Variants in SCML4 observed in about 807,000 individuals in gnomAD.
SCML4 encodes the protein sex comb on midleg-like protein 4.
In SCML4, 34 loss-of-function variants were observed where a neutral mutation model predicts 41.1. That is an observed-to-expected ratio of 0.83 (90% CI 0.63 to 1.10). The LOEUF (loss-of-function observed/expected upper bound fraction) is 1.10, where lower values mean the gene tolerates loss of function less well. Ranked by LOEUF, SCML4 falls within the 50% of genes least tolerant of loss-of-function variation. The probability of loss-of-function intolerance (pLI) is 0.00; values close to 1 mark genes in which losing one functional copy is unlikely to be tolerated. For missense variants in SCML4, 522 were observed against 534.1 expected, an observed-to-expected ratio of 0.98 and a Z score of 0.22; for synonymous variants, 214 against 220.9, an observed-to-expected ratio of 0.97 and a Z score of 0.28.
intron 5 of SCML4, chr6:107,740,040 A>G (rs948232564): frequency 4.5e-6 from 2 of 444,694 alleles, no homozygotes; most frequent in African/African-American, 2.1e-5. Context: ...GTTATGAGCT[A>G]GGAAAGGGCT....
chr6:107,703,273 T>C lies in SCML4; in HGVS notation c.*1927A>G, dbSNP rs750469827. 1.3e-5 allele frequency among the ~76,000 whole-genome samples: 2 copies of C among 152,218 alleles called. No individual in the cohort carries two copies. Among genetic ancestry groups the C allele is most frequent in the Non-Finnish European group, 2.9e-5 (2 of 68,036 alleles). On this transcript the variant is annotated 3_prime_UTR_variant, in exon 8 of 8. Coordinates refer to ENST00000369020, the MANE Select transcript of SCML4 (RefSeq NM_198081.5). Reference sequence around the variant, plus strand: ...TTATGGACTCACCCTGAATTCTTTCTTGCATGAGATCCAAGAGCCCTCTCT... The same window carrying C: ...TTATGGACTCACCCTGAATTCTTTCCTGCATGAGATCCAAGAGCCCTCTCT...
intron 2 of SCML4, among the ~76,000 whole-genome samples, chr6:107,755,103 C>CAA (rs543375610): frequency 9.3e-4 from 126 of 134,982 alleles, no homozygotes; most frequent in African/African-American, 3.3e-3. Context: ...GACCCTGTCT[C>CAA]AAAAAAAAAA....
chr6:107,768,749 G>C (rs936360995), intron 2 of SCML4, among the ~76,000 whole-genome samples: 1 of 152,182 alleles, frequency 6.6e-6, no homozygotes, highest in African/African-American at 2.4e-5. Flanking sequence ...TATTTTGTAT[G>C]ATTATGATTG....
intron 2 of SCML4, among the ~76,000 whole-genome samples, chr6:107,753,633 GT>G (rs1415327730): frequency 6.6e-6 from 1 of 152,118 alleles, no homozygotes. Context: ...AATTTTGTGT[GT>G]TTTTTAGCAA....
In SCML4 at chr6:107,789,131, A is replaced by G. The variant is rs1782127149; in HGVS notation, c.-59-16745T>C. On this transcript the variant is annotated intron_variant, in intron 1 of 7. Transcript: ENST00000369020. Reference sequence around the variant, plus strand: ...GCCTGTTGGTTCCGCAGGCTTCACAAGTACTGCAAGACCAAGGTCAAAAGC... The same window carrying G: ...GCCTGTTGGTTCCGCAGGCTTCACAGGTACTGCAAGACCAAGGTCAAAAGC... Among the ~76,000 whole-genome samples the G allele has an allele frequency of 2.0e-5, 3 of 152,192 alleles. No individual in the cohort carries two copies. The South Asian group carries it at 6.2e-4, about 32-fold the overall frequency.
chr6:107,816,467 C>CTT (rs2114293994), intron 1 of SCML4, among the ~76,000 whole-genome samples: 1 of 152,312 alleles, frequency 6.6e-6, no homozygotes, highest in South Asian at 2.1e-4. Context: ...ATGAAAATGG[C>CTT]TTTTCTGAAC....
Position 107,783,767 on chromosome 6 carries a change from T to G in SCML4, c.-59-11381A>C, listed in dbSNP as rs569815365. On this transcript the variant is annotated intron_variant, in intron 1 of 7. Transcript: ENST00000369020. Reference sequence around the variant, plus strand: ...GAGTTTGCCTGATGGGAGGTGCTGGTCTGAGTTTGGAGGTAGAGGTTGGGA... The same window carrying G: ...GAGTTTGCCTGATGGGAGGTGCTGGGCTGAGTTTGGAGGTAGAGGTTGGGA... Among the ~76,000 whole-genome samples the G allele has an allele frequency of 5.9e-5, 9 of 152,224 alleles. No homozygotes were observed. The South Asian group carries it at 1.9e-3, about 32-fold the overall frequency.
At chr6:107,823,146 G>A (rs1237016668) in intron 1 of SCML4, among the ~76,000 whole-genome samples, 3 of 152,130 alleles carry the variant, frequency 2.0e-5, no homozygotes, top group African/African-American at 7.2e-5. Context: ...ACTTTCTCAA[G>A]TACTGTAGTG....
intron 6 of SCML4, among the ~76,000 whole-genome samples, chr6:107,708,681 C>T (rs1739873): frequency 0.7 from 106,891 of 152,014 alleles, 37,995 homozygotes; most frequent in Admixed American, 0.79. Flanking sequence ...AGCATTTGCC[C>T]GGGTCTCCCC....
chr6:107,729,729 G>A (rs1398475390), intron 5 of SCML4, among the ~76,000 whole-genome samples: 1 of 152,224 alleles, frequency 6.6e-6, no homozygotes, highest in Non-Finnish European at 1.5e-5. Context: ...AATATCTTGA[G>A]TAGACAGTTC....
chr6:107,769,543 T>C (rs184741661), intron 2 of SCML4, among the ~76,000 whole-genome samples: 38 of 152,288 alleles, frequency 2.5e-4, no homozygotes, highest in African/African-American at 8.9e-4. Flanking sequence ...AGACTTGTTA[T>C]ACAGTCAACA....
At chr6:107,716,491 G>A (rs1044203279) in intron 6 of SCML4, among the ~76,000 whole-genome samples, 4 of 152,148 alleles carry the variant, frequency 2.6e-5, no homozygotes, top group African/African-American at 9.7e-5. Context: ...TGGCCCCCTT[G>A]AGTGTAGGTG....
At chr6:107,802,918 A>G (rs1223785864) in intron 1 of SCML4, among the ~76,000 whole-genome samples, 6 of 151,420 alleles carry the variant, frequency 4.0e-5, no homozygotes, top group Non-Finnish European at 8.8e-5. Flanking sequence ...TGGTTTTCGT[A>G]TTTTTTTGGT....
In SCML4 at chr6:107,705,087, G is replaced by A; in HGVS notation, c.*113C>T. On this transcript the variant is annotated 3_prime_UTR_variant, in exon 8 of 8. Coordinates refer to ENST00000369020, the MANE Select transcript of SCML4 (RefSeq NM_198081.5). ...TTTATAAAAAGACCACGTCTCTGTGGCTGTTAATTTTAAGAGGAGAGTCTA... is the reference window on the plus strand; with the variant it reads ...TTTATAAAAAGACCACGTCTCTGTGACTGTTAATTTTAAGAGGAGAGTCTA... 1 of 967,876 alleles carries A rather than the reference G, an allele frequency of 1.0e-6. No individual in the cohort carries two copies. The highest frequency in any genetic ancestry group is 2.6e-5 in the East Asian group (1 of 38,394). 60.0% of individuals were successfully genotyped at this position (967,876 alleles called of 1,614,324 possible). A position where few individuals can be genotyped will look rare whatever the true frequency, so the allele number is the denominator to read the frequency against.
chr6:107,756,560 G>A (rs1000267777), intron 2 of SCML4, among the ~76,000 whole-genome samples: 2 of 152,058 alleles, frequency 1.3e-5, no homozygotes, highest in Non-Finnish European at 2.9e-5. Flanking sequence ...TGGGATCCTG[G>A]AATAGAATAG....
chr6:107,714,780 T>A (rs531368003), intron 6 of SCML4, among the ~76,000 whole-genome samples: 13 of 152,090 alleles, frequency 8.5e-5, no homozygotes, highest in Non-Finnish European at 1.9e-4. Context: ...CATTAGGTAG[T>A]TGCTGTTCTT....
chr6:107,802,697 C>T (rs1783278510), intron 1 of SCML4, among the ~76,000 whole-genome samples: 1 of 135,136 alleles, frequency 7.4e-6, no homozygotes, highest in South Asian at 2.4e-4. Flanking sequence ...TCCCCCTCCT[C>T]TCCCTCTCCC....
Position 107,732,927 on chromosome 6 carries a change from G to A in SCML4, c.683-11934C>T, listed in dbSNP as rs376053768. Among the ~76,000 whole-genome samples the A allele has an allele frequency of 7.2e-5, 11 of 152,310 alleles. No individual in the cohort carries two copies. The East Asian group carries it at 7.7e-4, about 11-fold the overall frequency. ...AGTTTCCTTTCTAAATGGACATCTC[G>A]ACTTTGAGAGAGGTTCACAGCACTC... is the stretch of plus-strand genomic sequence containing the variant. On this transcript the variant is annotated intron_variant, in intron 5 of 7. Transcript: ENST00000369020.
chr6:107,771,642 A>T (rs912140264), intron 2 of SCML4, among the ~76,000 whole-genome samples: 5 of 152,202 alleles, frequency 3.3e-5, no homozygotes, highest in African/African-American at 1.2e-4. Flanking sequence ...TAGAAGTGGG[A>T]AACTAGGAAT....
Sources: gnomAD v4.1 joint callset for allele counts (sites outside exome capture counted in the v4.1 genomes callset) on GRCh38, gnomAD v4.1.1 for gene constraint, MANE v1.5 for transcripts, NCBI Gene and HGNC (gene_info 2026-07-23, HGNC 2026-07-21) for gene names.